ENOX2: variants seen among roughly 807,000 people sequenced by gnomAD.
The protein encoded by ENOX2 is APK1 antigen.
A neutral mutation model predicts 45.0 loss-of-function variants in ENOX2; 36 were observed. The observed-to-expected ratio is 0.80, with a 90% CI of 0.61 to 1.06. The LOEUF is 1.06. ENOX2 is among the 50% of genes least tolerant of loss of function. ENOX2 has a pLI of 0.00. For synonymous variants in ENOX2, 174 were observed against 152.3 expected (o/e 1.14, Z -1.05); for missense variants, 423 against 462.5 (o/e 0.91, Z 0.78).
At position 130,646,715 on chromosome X, in the gene ENOX2, T is replaced by C. The variant is rs964724028; in HGVS notation, c.1130-9305A>G. On this transcript the variant is annotated intron_variant, in intron 10 of 14. Transcript: ENST00000394363. Reference sequence around the variant, plus strand: ...GGGCTTTTCACTGTAAAATTATTTATTGGATTCCTTTGGAGTAGTGGGAAA... The same window carrying C: ...GGGCTTTTCACTGTAAAATTATTTACTGGATTCCTTTGGAGTAGTGGGAAA... Among the ~76,000 whole-genome samples the C allele has an allele frequency of 2.7e-5, 3 of 112,360 alleles. No homozygotes were observed. In the Admixed American group the frequency reaches 2.8e-4, roughly 11 times the overall value.
At chrX:130,759,291 A>G (rs2148348766) in intron 3 of ENOX2, among the ~76,000 whole-genome samples, 1 of 111,304 alleles carries the variant, frequency 9.0e-6, no homozygotes, top group South Asian at 3.8e-4. Context: ...CTCCAGTATC[A>G]CTGAAAAGGT....
intron 2 of ENOX2, among the ~76,000 whole-genome samples, chrX:130,872,912 C>A (rs1445733735): frequency 8.9e-6 from 1 of 111,910 alleles, no homozygotes; most frequent in Non-Finnish European, 1.9e-5. Flanking sequence ...GGATTAAAGA[C>A]TTAAATGTAA....
At chrX:130,895,498 C>T (rs566003065) in intron 2 of ENOX2, among the ~76,000 whole-genome samples, 13 of 111,991 alleles carry the variant, frequency 1.2e-4, no homozygotes, top group Middle Eastern at 4.6e-3. Context: ...ACCACTAAAG[C>T]AATGTTGTTC....
chrX:130,697,689 C>T (rs940446846), intron 4 of ENOX2, among the ~76,000 whole-genome samples: 1 of 111,980 alleles, frequency 8.9e-6, no homozygotes, highest in African/African-American at 3.2e-5. Context: ...TACCGGCAGG[C>T]TTCAGTGAAT....
At position 130,881,457 on chromosome X, in the gene ENOX2, A is replaced by C. The variant is rs1026886679; in HGVS notation, c.-183+20227T>G. ...AGGAGAATTATCTGGGGAGTTTGCTAAATGCAGATCACTCAGAGTGATTCA... is the reference window on the plus strand; with the variant it reads ...AGGAGAATTATCTGGGGAGTTTGCTCAATGCAGATCACTCAGAGTGATTCA... On this transcript the variant is annotated intron_variant, in intron 2 of 14. Coordinates refer to ENST00000394363, the MANE Select transcript of ENOX2 (RefSeq NM_006375.4). Among the ~76,000 whole-genome samples, 7 of 112,582 alleles carry C rather than the reference A, an allele frequency of 6.2e-5. No individual in the cohort carries two copies. In the South Asian group the frequency reaches 2.2e-3, roughly 35 times the overall value.
chrX:130,851,486 T>C lies in ENOX2; in HGVS notation c.-183+50198A>G, dbSNP rs376635067. Among the ~76,000 whole-genome samples the C allele has an allele frequency of 4.9e-3, 539 of 109,687 alleles. 2 individuals carry two copies. The highest frequency in any genetic ancestry group is 0.017 in the African/African-American group (513 of 30,091). Reference sequence around the variant, plus strand: ...CTTTTTTTTCCTTTTTTTTTTATTATACTTTAAGTAAATGGATGTATTTTT... The same window carrying C: ...CTTTTTTTTCCTTTTTTTTTTATTACACTTTAAGTAAATGGATGTATTTTT... On this transcript the variant is annotated intron_variant, in intron 2 of 14. Transcript: ENST00000394363.
chrX:130,771,499 C>T (rs1437517901), intron 3 of ENOX2, among the ~76,000 whole-genome samples: 1 of 111,273 alleles, frequency 9.0e-6, no homozygotes, highest in Non-Finnish European at 1.9e-5. Context: ...CGTTTCTAGG[C>T]TCCACAACTC....
intron 10 of ENOX2, among the ~76,000 whole-genome samples, chrX:130,650,068 G>A (rs980561914): frequency 9.8e-5 from 11 of 111,855 alleles, no homozygotes; most frequent in Non-Finnish European, 1.9e-4. Context: ...CAGTCCACAT[G>A]GCTCAATACA....
chrX:130,882,283 A>G (rs2078830409), intron 2 of ENOX2, among the ~76,000 whole-genome samples: 1 of 105,883 alleles, frequency 9.4e-6, no homozygotes, highest in Admixed American at 1.0e-4. Context: ...AGTGTAAGGG[A>G]ATTCTGAGTG....
intron 2 of ENOX2, among the ~76,000 whole-genome samples, chrX:130,868,654 C>T (rs2078525974): frequency 3.6e-5 from 4 of 111,604 alleles, no homozygotes; most frequent in Admixed American, 1.9e-4. Context: ...ATATACTATA[C>T]GAGTGATATA....
intron 6 of ENOX2, among the ~76,000 whole-genome samples, chrX:130,670,779 T>TG (rs970452605): frequency 3.7e-5 from 4 of 109,115 alleles, no homozygotes; most frequent in African/African-American, 1.3e-4. Flanking sequence ...ACATATAATT[T>TG]GGGATCCTTA....
intron 2 of ENOX2, among the ~76,000 whole-genome samples, chrX:130,807,698 G>C (rs1474433645): frequency 9.0e-6 from 1 of 111,384 alleles, no homozygotes; most frequent in Non-Finnish European, 1.9e-5. Flanking sequence ...GAAAATATAG[G>C]ATTCCCTTAC....
At chrX:130,694,600 CT>C (rs1176052103) in intron 4 of ENOX2, among the ~76,000 whole-genome samples, 944 of 86,150 alleles carry the variant, frequency 0.011, 6 homozygotes, top group African/African-American at 0.034. Context: ...CTTTTCTTTT[CT>C]TTTTTTTTTT....
intron 2 of ENOX2, among the ~76,000 whole-genome samples, chrX:130,821,723 T>A (rs866916984): frequency 2.9e-3 from 50 of 17,223 alleles, no homozygotes; most frequent in Middle Eastern, 0.036. Flanking sequence ...AATAAATAAA[T>A]AAAAATAAAT....
At chrX:130,833,011 TCACA>T (rs10568834) in intron 2 of ENOX2, among the ~76,000 whole-genome samples, 11,533 of 82,697 alleles carry the variant, frequency 0.14, 650 homozygotes, top group Admixed American at 0.27. Context: ...TCATGTATAA[TCACA>T]CACACACACA....
At chrX:130,752,808 C>G (rs1230379564) in intron 3 of ENOX2, among the ~76,000 whole-genome samples, 2 of 110,757 alleles carry the variant, frequency 1.8e-5, no homozygotes, top group African/African-American at 6.6e-5. Context: ...CTTTCACTGA[C>G]TCTCTTTCTC....
intron 2 of ENOX2, among the ~76,000 whole-genome samples, chrX:130,791,289 T>G (rs1303550374): frequency 9.0e-6 from 1 of 111,110 alleles, no homozygotes; most frequent in Non-Finnish European, 1.9e-5. Flanking sequence ...GTAAACTCCT[T>G]GAGGACAGAC....
rs1421243858 is a variant in ENOX2 at position 130,625,040 on chromosome X, T to G, written c.*274A>C. On this transcript the variant is annotated 3_prime_UTR_variant, in exon 15 of 15. Coordinates refer to ENST00000394363, the MANE Select transcript of ENOX2 (RefSeq NM_006375.4). ...CAGACACTGAAAACACTCCAAATAC[T>G]GTTTAGCATCAGGACTTTTGCAATA... is the stretch of plus-strand genomic sequence containing the variant. 3.7e-6 allele frequency: 1 copy of G among 268,111 alleles called. No individual in the cohort carries two copies. Among genetic ancestry groups the G allele is most frequent in the Non-Finnish European group, 6.6e-6 (1 of 151,962 alleles). 22.1% of individuals were successfully genotyped at this position (268,111 alleles called of 1,213,427 possible). A position where few individuals can be genotyped will look rare whatever the true frequency, so the allele number is the denominator to read the frequency against.
intron 11 of ENOX2, among the ~76,000 whole-genome samples, chrX:130,635,453 A>G (rs2035907934): frequency 8.9e-6 from 1 of 112,246 alleles, no homozygotes; most frequent in Non-Finnish European, 1.9e-5. Flanking sequence ...GCATTCTTGC[A>G]AATAGCCATT....
Sources: allele counts gnomAD v4.1 joint callset (sites outside exome capture counted in the v4.1 genomes callset), GRCh38; gene constraint gnomAD v4.1.1; transcripts MANE v1.5; gene names NCBI Gene and HGNC (gene_info 2026-07-23, HGNC 2026-07-21).